The following FOXP1 variants were observed in gnomAD, a reference collection of about 807,000 sequenced individuals.
The protein encoded by FOXP1 is forkhead box P1.
A neutral mutation model predicts 98.2 loss-of-function variants in FOXP1; 15 were observed. The ratio of observed to expected loss-of-function variants is 0.15; its 90% confidence interval spans 0.10 to 0.24. The LOEUF is 0.24. Ranked by LOEUF, FOXP1 falls within the 10% of genes least tolerant of loss-of-function variation. The probability of loss-of-function intolerance (pLI) is 1.00; values close to 1 mark genes in which losing one functional copy is unlikely to be tolerated. For missense variants in FOXP1, 633 were observed against 848.5 expected (o/e 0.75, Z 3.15); for synonymous variants, 371 against 314.5 (o/e 1.18, Z -1.90).
intron 2 of FOXP1, among the ~76,000 whole-genome samples, chr3:71,556,851 C>A (rs2046180702): frequency 6.6e-6 from 1 of 151,742 alleles, no homozygotes; most frequent in Non-Finnish European, 1.5e-5. Flanking sequence ...ATGTTCACTG[C>A]AATATTATTT....
At chr3:71,459,395 G>A (rs1407705937) in intron 3 of FOXP1, among the ~76,000 whole-genome samples, 1 of 152,134 alleles carries the variant, frequency 6.6e-6, no homozygotes, top group African/African-American at 2.4e-5. Flanking sequence ...ACCCAAGAAG[G>A]GGATACAGAT....
chr3:71,458,643 T>A lies in FOXP1; in HGVS notation c.-168+34783A>T, dbSNP rs1239004677. Among the ~76,000 whole-genome samples, 3 of 152,228 alleles carry A rather than the reference T, an allele frequency of 2.0e-5. No individual in the cohort carries two copies. The East Asian group carries it at 5.8e-4, about 29-fold the overall frequency. ...AATAATATGGAAGACCTACTCTACA[T>A]CTTTATTCAAATGAAAATACTTTCC... On this transcript the variant is annotated intron_variant, in intron 3 of 20. Transcript: ENST00000649528.
At chr3:71,486,832 T>A (rs2090688815) in intron 3 of FOXP1, among the ~76,000 whole-genome samples, 1 of 152,196 alleles carries the variant, frequency 6.6e-6, no homozygotes, top group Non-Finnish European at 1.5e-5. Context: ...GCAATGGAGT[T>A]TAAGTTCCTA....
At chr3:71,184,084 G>A (rs191884677) in intron 6 of FOXP1, among the ~76,000 whole-genome samples, 11 of 152,206 alleles carry the variant, frequency 7.2e-5, no homozygotes, top group Admixed American at 2.6e-4. Context: ...CCTGGGAGGC[G>A]GAGGTTGTGG....
At chr3:71,385,994 C>T (rs532119485) in intron 3 of FOXP1, among the ~76,000 whole-genome samples, 11 of 152,300 alleles carry the variant, frequency 7.2e-5, no homozygotes, top group African/African-American at 9.6e-5. Context: ...TCAGCTCATC[C>T]CTTCCCAGCC....
intron 3 of FOXP1, among the ~76,000 whole-genome samples, chr3:71,478,449 T>G (rs1156310058): frequency 6.6e-6 from 1 of 151,930 alleles, no homozygotes; most frequent in African/African-American, 2.4e-5. Context: ...CAACTATGAG[T>G]AAAAATAAAA....
chr3:71,301,005 G>A (rs1365716709), intron 4 of FOXP1, among the ~76,000 whole-genome samples: 3 of 152,138 alleles, frequency 2.0e-5, no homozygotes. Flanking sequence ...ATTGATCCGA[G>A]GCCAATTTAT....
At chr3:71,460,150 G>A (rs2087911296) in intron 3 of FOXP1, among the ~76,000 whole-genome samples, 1 of 151,800 alleles carries the variant, frequency 6.6e-6, no homozygotes, top group Admixed American at 6.6e-5. Flanking sequence ...TAGCCAGGAT[G>A]GTCTCAATCT....
At chr3:71,285,222 C>T (rs1018317002) in intron 5 of FOXP1, among the ~76,000 whole-genome samples, 4 of 152,154 alleles carry the variant, frequency 2.6e-5, no homozygotes, top group Non-Finnish European at 5.9e-5. Flanking sequence ...ACATCATTAT[C>T]CTCTTATATA....
At chr3:71,240,624 C>T (rs1280021116) in intron 5 of FOXP1, among the ~76,000 whole-genome samples, 1 of 152,000 alleles carries the variant, frequency 6.6e-6, no homozygotes, top group Non-Finnish European at 1.5e-5. Flanking sequence ...CTTACTGCAA[C>T]CTCCGCCTCC....
At position 71,023,603 on chromosome 3, in the gene FOXP1, C is replaced by G. The variant is rs559649764; in HGVS notation, c.870-7950G>C. 2.2e-4 allele frequency among the ~76,000 whole-genome samples: 34 copies of G among 152,290 alleles called. No individual in the cohort carries two copies. The South Asian group carries it at 4.6e-3, about 20-fold the overall frequency. On this transcript the variant is annotated intron_variant, in intron 11 of 20. Coordinates refer to ENST00000649528, the MANE Select transcript of FOXP1 (RefSeq NM_001349338.3). ...TCCTACTTTCCCTTTTCTCTCTTCACTTTTTAGTTCTTATCACATTTCCCT... is the reference window on the plus strand; with the variant it reads ...TCCTACTTTCCCTTTTCTCTCTTCAGTTTTTAGTTCTTATCACATTTCCCT...
chr3:71,158,163 GGGAAGGAA>G (rs144415413), intron 6 of FOXP1, among the ~76,000 whole-genome samples: 2 of 84,478 alleles, frequency 2.4e-5, no homozygotes, highest in Admixed American at 1.3e-4. Context: ...GAGGGAGGCA[GGGAAGGAA>G]GGAAGGAGGG....
chr3:71,081,833 C>G (rs1231948854), intron 7 of FOXP1, among the ~76,000 whole-genome samples: 2 of 152,232 alleles, frequency 1.3e-5, no homozygotes, highest in African/African-American at 2.4e-5. Context: ...AATTGTCCAA[C>G]AGTGTACACA....
Position 71,301,030 on chromosome 3 carries a change from C to G in FOXP1, c.-72-1150G>C, listed in dbSNP as rs565345035. 3.3e-5 allele frequency among the ~76,000 whole-genome samples: 5 copies of G among 152,200 alleles called. No individual in the cohort carries two copies. In the South Asian group the frequency reaches 1.0e-3, roughly 32 times the overall value. ...GGCCAATTTATGACATTTCCACAAGCAAGTGTATGCAGATTCTTGCCATTA... is the reference window on the plus strand; with the variant it reads ...GGCCAATTTATGACATTTCCACAAGGAAGTGTATGCAGATTCTTGCCATTA... On this transcript the variant is annotated intron_variant, in intron 4 of 20. Transcript: ENST00000649528.
At chr3:71,437,648 C>A (rs1160209475) in intron 3 of FOXP1, among the ~76,000 whole-genome samples, 2 of 152,152 alleles carry the variant, frequency 1.3e-5, no homozygotes, top group Non-Finnish European at 2.9e-5. Flanking sequence ...AATGGCTCCA[C>A]CATCCTCTCT....
At chr3:71,247,463 A>T (rs2067841104) in intron 5 of FOXP1, among the ~76,000 whole-genome samples, 1 of 152,154 alleles carries the variant, frequency 6.6e-6, no homozygotes, top group Non-Finnish European at 1.5e-5. Context: ...CATTTATTCC[A>T]ACCTCTGGGG....
At chr3:71,446,939 T>G (rs979904423) in intron 3 of FOXP1, among the ~76,000 whole-genome samples, 1 of 152,260 alleles carries the variant, frequency 6.6e-6, no homozygotes, top group African/African-American at 2.4e-5. Flanking sequence ...GGCCAGGCAG[T>G]TGCTTCAATG....
chr3:71,583,860 C>G (rs908385166), upstream of FOXP1: 6 of 985,648 alleles, frequency 6.1e-6, no homozygotes, highest in African/African-American at 5.3e-5. Context: ...GGGGCGCACC[C>G]CGGCCCGACC....
At chr3:71,243,095 A>C (rs1408522404) in intron 5 of FOXP1, among the ~76,000 whole-genome samples, 2 of 152,178 alleles carry the variant, frequency 1.3e-5, no homozygotes, top group African/African-American at 4.8e-5. Context: ...AAAGGCTACT[A>C]ATTCCAATCA....
Sources: allele counts gnomAD v4.1 joint callset (sites outside exome capture counted in the v4.1 genomes callset), GRCh38; gene constraint gnomAD v4.1.1; transcripts MANE v1.5; gene names NCBI Gene and HGNC (gene_info 2026-07-23, HGNC 2026-07-21).